The following PLD5 variants were observed in gnomAD, a reference collection of about 807,000 sequenced individuals.
The protein encoded by PLD5 is phospholipase D family member 5, also known as inactive phospholipase D5.
A neutral mutation model predicts 61.1 loss-of-function variants in PLD5; 36 were observed. The observed-to-expected ratio is 0.59, with a 90% CI of 0.45 to 0.78. The LOEUF (loss-of-function observed/expected upper bound fraction) is 0.78. PLD5 is among the 30% of genes least tolerant of loss of function. The pLI, the probability that PLD5 is intolerant of heterozygous loss-of-function variation, is 0.00. For missense variants in PLD5, 515 were observed against 644.4 expected, an observed-to-expected ratio of 0.80 and a Z score of 2.17; for synonymous variants, 243 against 242.8, an observed-to-expected ratio of 1.00 and a Z score of -0.01.
At chr1:242,525,342 G>T (rs1211956167), upstream of PLD5, among the ~76,000 whole-genome samples, 1 of 152,188 alleles carries the variant, frequency 6.6e-6, no homozygotes. Context: ...GATCCTGGGA[G>T]GGTGATCCAG....
intron 5 of PLD5, among the ~76,000 whole-genome samples, chr1:242,176,298 T>A (rs56084000): frequency 1.3e-5 from 2 of 152,094 alleles, no homozygotes; most frequent in African/African-American, 2.4e-5. Context: ...TACAACCACC[T>A]GATCTTTGAC....
chr1:242,175,437 A>G (rs572644949), intron 5 of PLD5, among the ~76,000 whole-genome samples: 1 of 152,350 alleles, frequency 6.6e-6, no homozygotes, highest in South Asian at 2.1e-4. Context: ...CTAGGTATCA[A>G]TAGAATGTAT....
intron 5 of PLD5, among the ~76,000 whole-genome samples, chr1:242,199,335 A>G (rs1236344239): frequency 6.6e-6 from 1 of 151,966 alleles, no homozygotes; most frequent in African/African-American, 2.4e-5. Context: ...GCTCACTGCA[A>G]TCTCTGCCTC....
intron 1 of PLD5, among the ~76,000 whole-genome samples, chr1:242,453,637 T>C (rs946838094): frequency 6.6e-6 from 1 of 152,122 alleles, no homozygotes; most frequent in African/African-American, 2.4e-5. Context: ...TCCCTAGAGA[T>C]TGGAAGCTCC....
At chr1:242,206,024 G>A (rs1050830613) in intron 5 of PLD5, among the ~76,000 whole-genome samples, 10 of 152,174 alleles carry the variant, frequency 6.6e-5, no homozygotes, top group Non-Finnish European at 1.2e-4. Flanking sequence ...GACTCTCATC[G>A]GCGTCCCATG....
chr1:242,526,841 C>T (rs35646972), upstream of PLD5, among the ~76,000 whole-genome samples: 26,785 of 152,080 alleles, frequency 0.18, 2,429 homozygotes, highest in African/African-American at 0.23. Flanking sequence ...AACAATTATA[C>T]AGTCTTTTAT....
chr1:242,419,992 A>C (rs1436862354), intron 1 of PLD5, among the ~76,000 whole-genome samples: 1 of 152,166 alleles, frequency 6.6e-6, no homozygotes, highest in Non-Finnish European at 1.5e-5. Flanking sequence ...TGAGACCCAG[A>C]AATAAGACTA....
chr1:242,490,071 G>A (rs759369537), intron 1 of PLD5, among the ~76,000 whole-genome samples: 1 of 152,214 alleles, frequency 6.6e-6, no homozygotes, highest in Non-Finnish European at 1.5e-5. Flanking sequence ...GTCTGTGCAA[G>A]AGCACCATCT....
At chr1:242,417,815 T>C (rs1026055608) in intron 1 of PLD5, among the ~76,000 whole-genome samples, 14 of 152,082 alleles carry the variant, frequency 9.2e-5, no homozygotes, top group Non-Finnish European at 2.9e-5. Flanking sequence ...GGAGGTGATA[T>C]GGGATAGAGC....
intron 2 of PLD5, among the ~76,000 whole-genome samples, chr1:242,324,291 T>C (rs535883782): frequency 1.3e-5 from 2 of 152,350 alleles, no homozygotes; most frequent in East Asian, 3.9e-4. Flanking sequence ...ATGATTTCTT[T>C]AGAATGAACA....
chr1:242,513,007 GACT>G (rs1293770507), intron 1 of PLD5, among the ~76,000 whole-genome samples: 13 of 152,058 alleles, frequency 8.5e-5, no homozygotes, highest in Admixed American at 7.9e-4. Context: ...GAGTAGCTGG[GACT>G]ACAGGCATAT....
chr1:242,096,451 C>T lies in PLD5; in HGVS notation c.1354+4217G>A, dbSNP rs113800955. Among the ~76,000 whole-genome samples, 1,328 of 152,210 alleles carry T rather than the reference C, an allele frequency of 8.7e-3. 24 individuals are homozygous for T. Among genetic ancestry groups the T allele is most frequent in the African/African-American group, 0.028 (1,174 of 41,524 alleles). On this transcript the variant is annotated intron_variant, in intron 9 of 9. Transcript: ENST00000536534. ...CTGCCTCCTGGACTCAAGCGATTCCCCTGCCTCAGCCTCCCTAGTAGCTGG... is the reference window on the plus strand; with the variant it reads ...CTGCCTCCTGGACTCAAGCGATTCCTCTGCCTCAGCCTCCCTAGTAGCTGG...
At chr1:242,290,839 C>T (rs1675316203) in intron 2 of PLD5, among the ~76,000 whole-genome samples, 2 of 151,678 alleles carry the variant, frequency 1.3e-5, no homozygotes, top group Admixed American at 1.3e-4. Context: ...GGTCTCCTCA[C>T]ATGGGTTCCT....
chr1:242,159,256 T>A (rs936526199), intron 5 of PLD5, among the ~76,000 whole-genome samples: 3 of 152,162 alleles, frequency 2.0e-5, no homozygotes, highest in Non-Finnish European at 2.9e-5. Flanking sequence ...AGTTAAGATT[T>A]CAGTTGGGTT....
At chr1:242,445,234 C>T (rs190295360) in intron 1 of PLD5, among the ~76,000 whole-genome samples, 25 of 152,290 alleles carry the variant, frequency 1.6e-4, no homozygotes, top group Non-Finnish European at 3.1e-4. Flanking sequence ...GAACACACAG[C>T]GAGAAGGCAT....
chr1:242,140,701 T>C (rs962324156), intron 5 of PLD5, among the ~76,000 whole-genome samples: 3 of 152,116 alleles, frequency 2.0e-5, no homozygotes, highest in Non-Finnish European at 4.4e-5. Context: ...CCCGCCACCA[T>C]GGGGCCAACT....
chr1:242,177,569 A>C (rs1456043190), intron 5 of PLD5, among the ~76,000 whole-genome samples: 1 of 152,206 alleles, frequency 6.6e-6, no homozygotes, highest in Non-Finnish European at 1.5e-5. Flanking sequence ...AAATAAAAAA[A>C]ATTTGCACTG....
intron 5 of PLD5, among the ~76,000 whole-genome samples, chr1:242,166,347 C>T (rs1424693169): frequency 1.3e-5 from 2 of 152,230 alleles, no homozygotes; most frequent in African/African-American, 2.4e-5. Flanking sequence ...CAAACATCCA[C>T]GTTCAGCTCC....
intron 4 of PLD5, among the ~76,000 whole-genome samples, chr1:242,241,869 CTATATATATATATATATATATATATATA>C (rs752113161): frequency 5.6e-5 from 4 of 70,862 alleles, no homozygotes; most frequent in South Asian, 1.3e-3. Context: ...GCTTTACTTA[CTATATATATATATATATATATATATATA>C]TATATATATA....
Sources: allele counts gnomAD v4.1 joint callset (sites outside exome capture counted in the v4.1 genomes callset), GRCh38; gene constraint gnomAD v4.1.1; transcripts MANE v1.5; gene names NCBI Gene and HGNC (gene_info 2026-07-23, HGNC 2026-07-21).